Variants in SLC14A2 observed in about 807,000 individuals in gnomAD.
SLC14A2 encodes solute carrier family 14 member 2.
In SLC14A2, 91 loss-of-function variants were observed where a neutral mutation model predicts 104.6. The ratio of observed to expected loss-of-function variants is 0.87; its 90% CI spans 0.73 to 1.04. The LOEUF is 1.04. SLC14A2 is among the 50% of genes least tolerant of loss of function. SLC14A2 has a pLI of 0.00. For missense variants in SLC14A2, 1,189 were observed against 1,156.0 expected (o/e 1.03, Z -0.41); for synonymous variants, 476 against 466.4 (o/e 1.02, Z -0.27).
At chr18:45,558,689 G>A (rs1019026718) in intron 2 of SLC14A2, among the ~76,000 whole-genome samples, 3 of 152,210 alleles carry the variant, frequency 2.0e-5, no homozygotes, top group African/African-American at 7.2e-5. Context: ...GAGAGCATGA[G>A]TTTGAATTCG....
intron 1 of SLC14A2, among the ~76,000 whole-genome samples, chr18:45,316,976 A>G (rs2085135706): frequency 6.6e-6 from 1 of 152,226 alleles, no homozygotes. Flanking sequence ...CAGCAAACCT[A>G]TGAACTGGGC....
chr18:45,487,624 T>C (rs953892801), intron 2 of SLC14A2, among the ~76,000 whole-genome samples: 1 of 152,010 alleles, frequency 6.6e-6, no homozygotes, highest in Non-Finnish European at 1.5e-5. Context: ...GGTGTGTGTG[T>C]TGGAAGTAAG....
At chr18:45,250,420 C>G (rs970083055) in intron 1 of SLC14A2, among the ~76,000 whole-genome samples, 2 of 152,098 alleles carry the variant, frequency 1.3e-5, no homozygotes, top group African/African-American at 4.8e-5. Context: ...TTCTTCCCCC[C>G]CTTATTAATT....
intron 1 of SLC14A2, among the ~76,000 whole-genome samples, chr18:45,307,246 G>A (rs1259082229): frequency 6.6e-6 from 1 of 151,706 alleles, no homozygotes; most frequent in Non-Finnish European, 1.5e-5. Flanking sequence ...GTAAAACCTC[G>A]TCTCTACTGA....
intron 2 of SLC14A2, among the ~76,000 whole-genome samples, chr18:45,608,677 A>G (rs1355305341): frequency 6.6e-6 from 1 of 152,190 alleles, no homozygotes; most frequent in Non-Finnish European, 1.5e-5. Flanking sequence ...TACCTCAGTC[A>G]AGCTTCAGAG....
intron 10 of SLC14A2, 125 bp from the exon 11 acceptor site, chr18:45,663,654 GACTACT>G: frequency 2.1e-6 from 2 of 943,042 alleles, no homozygotes; most frequent in Non-Finnish European, 3.2e-6. Context: ...CTGATGCAAT[GACTACT>G]CCAGCTTCAG....
At chr18:45,524,619 T>C (rs2043565109) in intron 2 of SLC14A2, among the ~76,000 whole-genome samples, 1 of 152,148 alleles carries the variant, frequency 6.6e-6, no homozygotes, top group South Asian at 2.1e-4. Flanking sequence ...AGATGACACA[T>C]ACACATGAAA....
At chr18:45,171,605 C>A in the SLC14A2 span, among the ~76,000 whole-genome samples, 4 of 152,092 alleles carry the variant, frequency 2.6e-5, no homozygotes, top group Non-Finnish European at 5.9e-5. Context: ...GAAACACAAG[C>A]AGTCATCTCT....
At chr18:45,492,437 TGAGA>T (rs2043018688) in intron 2 of SLC14A2, among the ~76,000 whole-genome samples, 3 of 152,060 alleles carry the variant, frequency 2.0e-5, no homozygotes, top group Non-Finnish European at 4.4e-5. Context: ...TGGCAGCAAG[TGAGA>T]GAGAGTGTGT....
chr18:45,354,066 G>A (rs746863727), intron 1 of SLC14A2, among the ~76,000 whole-genome samples: 84 of 152,108 alleles, frequency 5.5e-4, no homozygotes, highest in Non-Finnish European at 1.2e-4. Flanking sequence ...AGGTGCTGGA[G>A]GTAATTTTTC....
chr18:45,559,413 C>A (rs9955926), intron 2 of SLC14A2, among the ~76,000 whole-genome samples: 2,474 of 152,166 alleles, frequency 0.016, 75 homozygotes, highest in African/African-American at 0.056. Context: ...CAAGATGGCA[C>A]GTTAAAATGG....
chr18:45,362,221 C>T (rs1202217574), intron 1 of SLC14A2, among the ~76,000 whole-genome samples: 1 of 152,358 alleles, frequency 6.6e-6, no homozygotes, highest in East Asian at 1.9e-4. Context: ...GAGGCCTCCC[C>T]AGCCATGCAG....
chr18:45,601,496 G>T (rs2044790855), intron 2 of SLC14A2, among the ~76,000 whole-genome samples: 1 of 152,168 alleles, frequency 6.6e-6, no homozygotes, highest in South Asian at 2.1e-4. Context: ...AAAGGGACAA[G>T]GTTGGATCCA....
At chr18:45,673,149 T>C in intron 17 of SLC14A2, 102 bp downstream of exon 17, 5 of 1,140,006 alleles carry the variant, frequency 4.4e-6, no homozygotes, top group Non-Finnish European at 6.3e-6. Flanking sequence ...TGCTGATTCC[T>C]GTGAACTTTC....
chr18:45,404,827 T>A (rs2086135947), intron 1 of SLC14A2, among the ~76,000 whole-genome samples: 1 of 152,208 alleles, frequency 6.6e-6, no homozygotes, highest in South Asian at 2.1e-4. Context: ...GGATTGGTGT[T>A]TGTCAATCTT....
At chr18:45,276,003 C>G (rs965518255) in intron 1 of SLC14A2, among the ~76,000 whole-genome samples, 11 of 152,208 alleles carry the variant, frequency 7.2e-5, no homozygotes, top group African/African-American at 2.4e-4. Flanking sequence ...GAGCAGAGAT[C>G]TAAGTCAAAA....
At chr18:45,566,135 A>G (rs1441544715) in intron 2 of SLC14A2, among the ~76,000 whole-genome samples, 2 of 152,258 alleles carry the variant, frequency 1.3e-5, no homozygotes, top group African/African-American at 4.8e-5. Flanking sequence ...CAATTCAGAT[A>G]GAAAATTAAG....
At chr18:45,378,651 T>A (rs1199937087) in intron 1 of SLC14A2, among the ~76,000 whole-genome samples, 1 of 152,274 alleles carries the variant, frequency 6.6e-6, no homozygotes, top group Non-Finnish European at 1.5e-5. Context: ...CTGTCATGTT[T>A]AAGGTTTTGG....
intron 2 of SLC14A2, among the ~76,000 whole-genome samples, chr18:45,535,724 ATCT>A (rs2043769792): frequency 6.6e-6 from 1 of 152,142 alleles, no homozygotes; most frequent in Admixed American, 6.5e-5. Context: ...ATGGTTCTTA[ATCT>A]TTCGGGGTCA....
Sources: gnomAD v4.1 joint callset for allele counts (sites outside exome capture counted in the v4.1 genomes callset) on GRCh38, gnomAD v4.1.1 for gene constraint, MANE v1.5 for transcripts, NCBI Gene and HGNC (gene_info 2026-07-23, HGNC 2026-07-21) for gene names.